The following ZNF347 variants were observed in gnomAD, a reference collection of about 807,000 sequenced individuals.
ZNF347 encodes the protein zinc finger protein 347, also known as CTD-2620I22.7.
Under a neutral mutation model 12.9 loss-of-function variants are expected in ZNF347, and 19 were observed. That is an observed-to-expected ratio of 1.47 (90% CI 1.03 to 2.16). The LOEUF (loss-of-function observed/expected upper bound fraction) is 2.16, where lower values mean the gene tolerates loss of function less well. ZNF347 is among the 30% of genes most tolerant of loss of function. The pLI, the probability that ZNF347 is intolerant of heterozygous loss-of-function variation, is 0.00. For synonymous variants in ZNF347, 328 were observed against 340.6 expected (o/e 0.96, Z 0.41); for missense variants, 1,005 against 990.6 (o/e 1.01, Z -0.19).
intron 1 of ZNF347, among the ~76,000 whole-genome samples, chr19:53,157,511 A>T (rs1301639994): frequency 2.0e-5 from 3 of 151,332 alleles, no homozygotes; most frequent in Non-Finnish European, 4.4e-5. Context: ...CTCCGCTTGC[A>T]CCTGTTCTGT....
rs563650856 is a variant in ZNF347, at chr19:53,144,193, G to T, written c.272-1637C>A. Reference sequence around the variant, plus strand: ...ATTACAAGAGAGAGGCCTGCTGAATGGATTATAAAACATACAGCTAACTAT... The same window carrying T: ...ATTACAAGAGAGAGGCCTGCTGAATTGATTATAAAACATACAGCTAACTAT... On this transcript the variant is annotated intron_variant, in intron 4 of 4. Transcript: ENST00000334197. Among the ~76,000 whole-genome samples the T allele has an allele frequency of 1.7e-4, 26 of 152,164 alleles. No individual in the cohort carries two copies. The South Asian group carries it at 5.4e-3, about 32-fold the overall frequency.
At position 53,146,609 on chromosome 19, in the gene ZNF347, T is replaced by C. The variant is rs183644191; in HGVS notation, c.271+2072A>G. ...AGGTTTTTCTAAAAGATAAGCAACA[T>C]CAACAAACTTTTAGCTAAACTGAAA... On this transcript the variant is annotated intron_variant, in intron 4 of 4. Transcript: ENST00000334197. Among the ~76,000 whole-genome samples the C allele has an allele frequency of 9.6e-4, 146 of 152,064 alleles. 1 individual carries two copies. The highest frequency in any genetic ancestry group is 3.4e-3 in the Middle Eastern group (1 of 294).
At chr19:53,157,092 C>A (rs1444982537) in intron 1 of ZNF347, among the ~76,000 whole-genome samples, 1 of 152,128 alleles carries the variant, frequency 6.6e-6, no homozygotes, top group African/African-American at 2.4e-5. Flanking sequence ...AGTGGGTGGA[C>A]TCAAAACTAA....
At chr19:53,151,297 A>G (rs1367145560) in intron 2 of ZNF347, among the ~76,000 whole-genome samples, 1 of 152,140 alleles carries the variant, frequency 6.6e-6, no homozygotes, top group Non-Finnish European at 1.5e-5. Context: ...GCACTTTGGA[A>G]GGTCGAGGCA....
rs1163244977 is a variant in ZNF347, at chr19:53,148,765, C to G, written c.187G>C (p.Gly63Arg). The change falls in exon 4 of 5, where the codon GGG (glycine) becomes CGG (arginine). Residue 63 changes from glycine (G) to arginine (R), a missense_variant. Physicochemically the swap from Gly to Arg is moderately radical, Grantham distance 125. Coordinates refer to ENST00000334197, the MANE Select transcript of ZNF347 (RefSeq NM_032584.3). ...CTCTCCAAAGTGAAAGGCTCCTTCC[C>G]TTGCTCCAACATAGAGATAATACTG... ...DLSIISMLEQ[G>R]KEPFTLESQV... 8 of 1,613,974 alleles carry G rather than the reference C, an allele frequency of 5.0e-6. No homozygotes were observed. The highest frequency in any genetic ancestry group is 6.8e-6 in the Non-Finnish European group (8 of 1,179,990).
intron 2 of ZNF347, among the ~76,000 whole-genome samples, chr19:53,149,763 A>T (rs34695045): frequency 0.1 from 15,192 of 152,086 alleles, 854 homozygotes; most frequent in Middle Eastern, 0.14. Flanking sequence ...CACTTAATGA[A>T]GCCCCCATAA....
Position 53,141,444 on chromosome 19 carries a change from A to T in ZNF347, c.1384T>A (p.Cys462Ser). The T allele has an allele frequency of 6.2e-7, 1 of 1,613,872 alleles. No homozygotes were observed. The change falls in exon 5 of 5, where the codon TGC (cysteine) becomes AGC (serine). Residue 462 changes from cysteine to serine, a missense_variant. By Grantham distance (112) the Cys-to-Ser change is moderately radical. Coordinates refer to ENST00000334197, the MANE Select transcript of ZNF347 (RefSeq NM_032584.3). Reference sequence around the variant, plus strand: ...GAATTACGCCTAAAGACCTTGCCGCATTCATGACATTTGTAAGGCTTTTCT... The same window carrying T: ...GAATTACGCCTAAAGACCTTGCCGCTTTCATGACATTTGTAAGGCTTTTCT... ...TGEKPYKCHE[C>S]GKVFRRNSHL...
intron 4 of ZNF347, among the ~76,000 whole-genome samples, chr19:53,145,009 G>A (rs540287397): frequency 2.0e-5 from 3 of 151,952 alleles, no homozygotes; most frequent in Non-Finnish European, 4.4e-5. Context: ...CACAAACATG[G>A]CTGGGCGTGA....
rs761297771 is a variant in ZNF347, at chr19:53,141,066, G to A, written c.1762C>T (p.Arg588Trp). The change falls in exon 5 of 5, where the codon CGG becomes TGG. Residue 588 changes from arginine to tryptophan, a missense_variant. Physicochemically the swap from Arg to Trp is moderately radical, Grantham distance 101 (BLOSUM62 -3). Coordinates refer to ENST00000334197, the MANE Select transcript of ZNF347 (RefSeq NM_032584.3). ...GGTTTCTCTCCAGTATGAATTCCCC[G>A]ATGTCTTGCAAGGTGTGAATTCTGA... ...FTQNSHLARH[R>W]GIHTGEKPYK... is the part of the protein sequence containing the mutation. 52 of 1,613,082 alleles carry A rather than the reference G, an allele frequency of 3.2e-5. No individual in the cohort carries two copies. Among genetic ancestry groups the A allele is most frequent in the South Asian group, 4.4e-5 (4 of 91,054 alleles).
At chr19:53,144,720 T>C (rs867254510) in intron 4 of ZNF347, among the ~76,000 whole-genome samples, 1 of 152,146 alleles carries the variant, frequency 6.6e-6, no homozygotes, top group African/African-American at 2.4e-5. Context: ...ACTGCAGCCT[T>C]GAACTTCTGG....
At chr19:53,157,749 G>C (rs1008061024) in intron 1 of ZNF347, among the ~76,000 whole-genome samples, 1 of 152,002 alleles carries the variant, frequency 6.6e-6, no homozygotes, top group Non-Finnish European at 1.5e-5. Context: ...GTCCCCTCTT[G>C]CTGTCCCAGC....
At chr19:53,152,092 C>CAAAAAAAAAAAA (rs1186310928) in intron 2 of ZNF347, among the ~76,000 whole-genome samples, 20 of 89,830 alleles carry the variant, frequency 2.2e-4, no homozygotes, top group African/African-American at 7.3e-4. Context: ...GACTCTGTCT[C>CAAAAAAAAAAAA]AAAAAAAAAA....
intron 1 of ZNF347, among the ~76,000 whole-genome samples, chr19:53,157,197 T>G (rs1471323011): frequency 3.3e-5 from 5 of 152,194 alleles, no homozygotes; most frequent in Non-Finnish European, 7.3e-5. Context: ...TTACGCATTT[T>G]ACATAAAGGA....
intron 1 of ZNF347, among the ~76,000 whole-genome samples, chr19:53,158,351 G>C (rs763918670): frequency 2.0e-5 from 3 of 152,202 alleles, no homozygotes; most frequent in Non-Finnish European, 4.4e-5. Context: ...CGCCGGTACC[G>C]GGGCTGAGGA....
intron 2 of ZNF347, among the ~76,000 whole-genome samples, chr19:53,152,757 C>T (rs891625352): frequency 6.6e-6 from 1 of 150,822 alleles, no homozygotes; most frequent in African/African-American, 2.4e-5. Flanking sequence ...AGTGAAACCC[C>T]GTCTCTATTA....
rs1209316748 is a variant in ZNF347 at position 53,140,620 on chromosome 19, A to G, written c.2208T>C (p.Pro736=). The G allele has an allele frequency of 6.2e-7, 1 of 1,613,310 alleles. No individual in the cohort carries two copies. Among genetic ancestry groups the G allele is most frequent in the Non-Finnish European group, 8.5e-7 (1 of 1,179,902 alleles). ...THQAIHTGKK[P]YKCNECGKVF... is the part of the protein sequence containing the mutation. ...CCTTCCCACACTCATTGCATTTGTA[A>G]GGTTTTTTTCCAGTATGGATTGCCT... The change falls in exon 5 of 5, where the codon CCT becomes CCC. Residue 736 remains proline (P), a synonymous_variant. Transcript: ENST00000334197.
chr19:53,149,421 A>G, intron 2 of ZNF347, 54 bp from the exon 3 acceptor site: 2 of 1,609,360 alleles, frequency 1.2e-6, no homozygotes, highest in South Asian at 1.1e-5. Context: ...TCCAATCTTC[A>G]CATAAAATGA....
chr19:53,145,759 A>G (rs2090458828), intron 4 of ZNF347, among the ~76,000 whole-genome samples: 1 of 152,068 alleles, frequency 6.6e-6, no homozygotes, highest in Admixed American at 6.6e-5. Flanking sequence ...AAAGCAGCAA[A>G]AAGAGGAAAG....
At chr19:53,145,877 TAGTAG>T (rs1339138847) in intron 4 of ZNF347, among the ~76,000 whole-genome samples, 1 of 149,236 alleles carries the variant, frequency 6.7e-6, no homozygotes, top group Non-Finnish European at 1.5e-5. Context: ...AACCCAAAAG[TAGTAG>T]AGGGAAAGGA....
Sources: allele counts gnomAD v4.1 joint callset (sites outside exome capture counted in the v4.1 genomes callset), GRCh38; gene constraint gnomAD v4.1.1; transcripts MANE v1.5; gene names NCBI Gene and HGNC (gene_info 2026-07-23, HGNC 2026-07-21).